The following GARNL3 variants were observed in gnomAD, a reference collection of about 807,000 sequenced individuals.
GARNL3 encodes the protein GTPase-activating Rap/Ran-GAP domain-like protein 3.
Under a neutral mutation model 125.0 loss-of-function variants are expected in GARNL3, and 63 were observed. The ratio of observed to expected loss-of-function variants is 0.50; its 90% CI spans 0.41 to 0.62. GARNL3 has a LOEUF of 0.62. Ranked by LOEUF, GARNL3 falls within the 20% of genes least tolerant of loss-of-function variation. The probability of loss-of-function intolerance (pLI) is 0.00; values close to 1 mark genes in which losing one functional copy is unlikely to be tolerated. For missense variants in GARNL3, 994 were observed against 1,244.0 expected, an observed-to-expected ratio of 0.80 and a Z score of 3.02; for synonymous variants, 439 against 457.5, an observed-to-expected ratio of 0.96 and a Z score of 0.52.
intron 17 of GARNL3, among the ~76,000 whole-genome samples, chr9:127,349,573 G>A (rs1483514660): frequency 6.6e-6 from 1 of 152,178 alleles, no homozygotes; most frequent in Non-Finnish European, 1.5e-5. Flanking sequence ...CAGCCAGATA[G>A]ATCAGCCTTC....
intron 7 of GARNL3, among the ~76,000 whole-genome samples, chr9:127,328,524 A>G (rs564258744): frequency 6.6e-6 from 1 of 152,196 alleles, no homozygotes; most frequent in Non-Finnish European, 1.5e-5. Flanking sequence ...TGTTTGCTGC[A>G]TAGAGAGGCA....
chr9:127,375,876 TC>T (rs1278100171), intron 22 of GARNL3, among the ~76,000 whole-genome samples: 2 of 152,176 alleles, frequency 1.3e-5, no homozygotes, highest in Non-Finnish European at 2.9e-5. Flanking sequence ...AGGAACTAAG[TC>T]CTCTGCCAAG....
intron 14 of GARNL3, among the ~76,000 whole-genome samples, chr9:127,342,747 G>T (rs1426596607): frequency 2.0e-5 from 3 of 151,940 alleles, no homozygotes; most frequent in Non-Finnish European, 2.9e-5. Context: ...CTTTTTTTTG[G>T]AGATTTATTG....
chr9:127,359,708 G>A (rs1352622009), intron 21 of GARNL3, among the ~76,000 whole-genome samples: 3 of 152,172 alleles, frequency 2.0e-5, no homozygotes, highest in African/African-American at 7.2e-5. Context: ...TCATGCTTAA[G>A]TGGCTGAAAA....
intron 2 of GARNL3, among the ~76,000 whole-genome samples, chr9:127,247,824 A>AT (rs1236657685): frequency 6.6e-6 from 1 of 152,066 alleles, no homozygotes; most frequent in Non-Finnish European, 1.5e-5. Context: ...CAATTCAATT[A>AT]TTTTTTACTA....
At chr9:127,391,993 A>T (rs1832895053) in intron 27 of GARNL3, among the ~76,000 whole-genome samples, 1 of 152,228 alleles carries the variant, frequency 6.6e-6, no homozygotes, top group Admixed American at 6.5e-5. Context: ...GTATTAAGAT[A>T]TGGAAAGGAC....
At chr9:127,235,485 G>C (rs2063093934) in intron 1 of GARNL3, among the ~76,000 whole-genome samples, 1 of 152,078 alleles carries the variant, frequency 6.6e-6, no homozygotes, top group Non-Finnish European at 1.5e-5. Context: ...TTATTAGTCT[G>C]AAAGGTAACC....
At chr9:127,369,293 G>C (rs1197197885) in intron 22 of GARNL3, among the ~76,000 whole-genome samples, 1 of 152,214 alleles carries the variant, frequency 6.6e-6, no homozygotes, top group East Asian at 1.9e-4. Flanking sequence ...TTGAGGAAAA[G>C]CTCAAGAGTC....
chr9:127,294,551 C>G (rs940225958), intron 2 of GARNL3, among the ~76,000 whole-genome samples: 2 of 152,176 alleles, frequency 1.3e-5, no homozygotes, highest in African/African-American at 4.8e-5. Context: ...ATCTGCCAGC[C>G]TTGGCCTCCC....
intron 22 of GARNL3, among the ~76,000 whole-genome samples, chr9:127,382,622 T>A (rs1832327438): frequency 1.3e-5 from 2 of 151,910 alleles, no homozygotes; most frequent in African/African-American, 2.4e-5. Flanking sequence ...CAAAAAAAAA[T>A]TTTTTTAATT....
rs936398824 is a variant in GARNL3, at chr9:127,355,427, A to G, written c.1890A>G (p.Leu630=). 3.1e-6 allele frequency: 5 copies of G among 1,614,124 alleles called. No individual in the cohort carries two copies. In the Admixed American group the frequency reaches 8.3e-5, roughly 27 times the overall value. The part of the protein sequence containing the change: ...KPSGVTSTSL[L]SPLSESPVEE... ...GCGGGGTCACCAGCACCTCATTGTT[A>G]TCTCCCCTGTCTGAGTCACCTGTTG... Residue 630 remains leucine (L), a synonymous_variant, in exon 20 of 28, where the codon TTA becomes TTG. Coordinates refer to ENST00000373387, the MANE Select transcript of GARNL3 (RefSeq NM_032293.5).
chr9:127,364,077 G>T lies in GARNL3; in HGVS notation c.2095-1223G>T, dbSNP rs1319897344. On this transcript the variant is annotated intron_variant, in intron 21 of 27. Coordinates refer to ENST00000373387, the MANE Select transcript of GARNL3 (RefSeq NM_032293.5). The surrounding 1 kb of genome is among the most constrained non-coding windows in gnomAD (Gnocchi z 4.2). ...GCTTGATCTCCCATCTGTCTGCCCA[G>T]TCTGTGCCCCTCCAACCACCCCACC... 6.6e-6 allele frequency: 1 copy of T among 152,290 alleles called. No homozygotes were observed. The highest frequency in any genetic ancestry group is 1.5e-5 in the Non-Finnish European group (1 of 68,122). 9.4% of individuals were successfully genotyped at this position (152,290 alleles called of 1,614,324 possible).
chr9:127,356,310 A>G (rs528137752), intron 20 of GARNL3: 11 of 152,288 alleles, frequency 7.2e-5, no homozygotes, highest in Non-Finnish European at 1.5e-4. Flanking sequence ...AGCCGTGGGC[A>G]ATGCTTTCCT....
At chr9:127,285,981 T>C (rs978977467) in intron 1 of GARNL3, among the ~76,000 whole-genome samples, 2 of 150,432 alleles carry the variant, frequency 1.3e-5, no homozygotes, top group Non-Finnish European at 1.5e-5. Flanking sequence ...CTGTTCTGTT[T>C]ACCTTTAGGA....
chr9:127,267,562 C>T (rs1164838163), intron 1 of GARNL3, among the ~76,000 whole-genome samples: 4 of 152,042 alleles, frequency 2.6e-5, no homozygotes, highest in Non-Finnish European at 5.9e-5. Flanking sequence ...CTCATTTTCC[C>T]GTATTAAAAA....
At chr9:127,317,802 T>TA (rs2065282629) in intron 4 of GARNL3, among the ~76,000 whole-genome samples, 1 of 152,168 alleles carries the variant, frequency 6.6e-6, no homozygotes, top group Non-Finnish European at 1.5e-5. Flanking sequence ...TCAAGTGCTC[T>TA]CCATAATACC....
At chr9:127,261,340 C>T (rs1280657964), upstream of GARNL3, among the ~76,000 whole-genome samples, 3 of 151,358 alleles carry the variant, frequency 2.0e-5, no homozygotes, top group Admixed American at 2.0e-4. Flanking sequence ...CCAGAGTCCT[C>T]TCCATTGCAG....
At chr9:127,316,421 A>G (rs756863677) in intron 4 of GARNL3, among the ~76,000 whole-genome samples, 2 of 152,124 alleles carry the variant, frequency 1.3e-5, no homozygotes, top group Non-Finnish European at 2.9e-5. Context: ...AGTGTTGGGT[A>G]AGAAGAAAAG....
chr9:127,323,460 C>T (rs938342722), intron 6 of GARNL3, among the ~76,000 whole-genome samples: 3 of 152,200 alleles, frequency 2.0e-5, no homozygotes, highest in African/African-American at 7.2e-5. Flanking sequence ...TCAGCCGGGA[C>T]TCCTGTTGCA....
Sources: gnomAD v4.1 joint callset for allele counts (sites outside exome capture counted in the v4.1 genomes callset) on GRCh38, gnomAD v4.1.1 for gene constraint, Gnocchi (gnomAD v3.1) non-coding constraint, MANE v1.5 for transcripts, NCBI Gene and HGNC (gene_info 2026-07-23, HGNC 2026-07-21) for gene names.